Variants in GRIN2B observed in about 807,000 individuals in gnomAD.
GRIN2B encodes glutamate ionotropic receptor NMDA type subunit 2B.
Under a neutral mutation model 114.5 loss-of-function variants are expected in GRIN2B, and 5 were observed. The observed-to-expected ratio is 0.04, with a 90% confidence interval of 0.02 to 0.09. GRIN2B has a LOEUF of 0.09. Ranked by LOEUF, GRIN2B falls within the 10% of genes least tolerant of loss-of-function variation. The probability of loss-of-function intolerance (pLI) is 1.00; values close to 1 mark genes in which losing one functional copy is unlikely to be tolerated. For synonymous variants in GRIN2B, 787 were observed against 745.1 expected (o/e 1.06, Z -0.92); for missense variants, 1,108 against 1,943.5 (o/e 0.57, Z 8.08).
chr12:13,799,626 A>C (rs940022729), intron 3 of GRIN2B, among the ~76,000 whole-genome samples: 2 of 152,136 alleles, frequency 1.3e-5, no homozygotes, highest in Non-Finnish European at 2.9e-5. Context: ...TCCAAGAGGC[A>C]CTGCTGTGCC....
intron 2 of GRIN2B, among the ~76,000 whole-genome samples, chr12:13,931,727 G>A (rs1467253881): frequency 1.3e-5 from 2 of 152,142 alleles, no homozygotes; most frequent in Non-Finnish European, 2.9e-5. Flanking sequence ...TAAGTCTTCC[G>A]TATCTCAGTT....
chr12:13,696,481 G>A (rs1212391334), intron 4 of GRIN2B, among the ~76,000 whole-genome samples: 1 of 152,114 alleles, frequency 6.6e-6, no homozygotes, highest in Non-Finnish European at 1.5e-5. Context: ...TCAAATCTCA[G>A]AGATGTCAGT....
chr12:13,802,217 A>C (rs924769146), intron 3 of GRIN2B, among the ~76,000 whole-genome samples: 5 of 152,176 alleles, frequency 3.3e-5, no homozygotes, highest in Admixed American at 2.0e-4. Flanking sequence ...TACTATTCAC[A>C]AAGGCAAAAT....
chr12:13,788,937 G>A (rs1464121493), intron 3 of GRIN2B, among the ~76,000 whole-genome samples: 1 of 152,120 alleles, frequency 6.6e-6, no homozygotes, highest in African/African-American at 2.4e-5. Flanking sequence ...TGGCAATGGA[G>A]ATACAAAGCT....
intron 3 of GRIN2B, among the ~76,000 whole-genome samples, chr12:13,816,093 A>G (rs1169278065): frequency 2.0e-5 from 3 of 152,188 alleles, no homozygotes; most frequent in Non-Finnish European, 4.4e-5. Flanking sequence ...GTGACCTTTC[A>G]TCTGGTCCAC....
chr12:13,767,635 CT>C (rs549975312), intron 3 of GRIN2B, among the ~76,000 whole-genome samples: 92 of 152,216 alleles, frequency 6.0e-4, no homozygotes, highest in Admixed American at 1.4e-3. Context: ...ATGTTTTTGT[CT>C]GTATGTTGAT....
At chr12:13,752,971 T>A (rs1863509417) in intron 4 of GRIN2B, among the ~76,000 whole-genome samples, 1 of 152,210 alleles carries the variant, frequency 6.6e-6, no homozygotes, top group Admixed American at 6.5e-5. Flanking sequence ...ACTTGCAACA[T>A]GACATTGTAT....
rs139395602 is a variant in GRIN2B at position 13,641,072 on chromosome 12, CTTATTA to C, written c.1126-24421_1126-24416del. 2.8e-3 allele frequency among the ~76,000 whole-genome samples: 411 copies of C among 149,452 alleles called. 1 individual carries two copies. The highest frequency in any genetic ancestry group is 5.4e-3 in the Non-Finnish European group (365 of 67,464). On this transcript the variant is annotated intron_variant, in intron 5 of 13. Transcript: ENST00000609686. Reference sequence around the variant, plus strand: ...AACCCTGCTACTTAATTGTATCATGCTTATTATTATTATTATTATTATTATTAGATG... The same window carrying C: ...AACCCTGCTACTTAATTGTATCATGCTTATTATTATTATTATTATTAGATG...
At chr12:13,728,090 T>C (rs1863023019) in intron 4 of GRIN2B, among the ~76,000 whole-genome samples, 2 of 152,196 alleles carry the variant, frequency 1.3e-5, no homozygotes, top group Non-Finnish European at 2.9e-5. Context: ...GAAACCCTGG[T>C]CTTTTATTTC....
chr12:13,872,881 C>A (rs576894289), intron 2 of GRIN2B, among the ~76,000 whole-genome samples: 10 of 152,152 alleles, frequency 6.6e-5, no homozygotes, highest in African/African-American at 2.4e-4. Context: ...ACAATGTAAC[C>A]ATATACCACA....
At chr12:13,725,015 G>A (rs1283216269) in intron 4 of GRIN2B, among the ~76,000 whole-genome samples, 1 of 152,146 alleles carries the variant, frequency 6.6e-6, no homozygotes, top group Non-Finnish European at 1.5e-5. Flanking sequence ...TCAGATGTCA[G>A]TGAAAGGCAA....
At chr12:13,725,316 G>A (rs1012500856) in intron 4 of GRIN2B, among the ~76,000 whole-genome samples, 7 of 152,124 alleles carry the variant, frequency 4.6e-5, no homozygotes, top group Non-Finnish European at 1.0e-4. Context: ...AAGAGGAGGG[G>A]TGGAGGAGGA....
intron 5 of GRIN2B, among the ~76,000 whole-genome samples, chr12:13,666,628 G>A (rs1565493672): frequency 6.6e-6 from 1 of 151,998 alleles, no homozygotes; most frequent in African/African-American, 2.4e-5. Flanking sequence ...TGTACCACAG[G>A]CTGCTTGGCA....
chr12:13,730,804 G>C (rs1202954719), intron 4 of GRIN2B, among the ~76,000 whole-genome samples: 1 of 152,126 alleles, frequency 6.6e-6, no homozygotes, highest in East Asian at 1.9e-4. Flanking sequence ...CTGATTAATG[G>C]TAGTTAAGTG....
rs1227167472 is a variant in GRIN2B, at chr12:13,981,440, GTCTCGGGGGTTTTGAAGTTCATGACTCT to G, written c.-574_-547del. The G allele has an allele frequency of 2.0e-5, 3 of 152,266 alleles. No individual in the cohort carries two copies. In the East Asian group the frequency reaches 5.8e-4, roughly 30 times the overall value. The allele number at this position is 152,266 out of a possible 1,614,324, so 9.4% of individuals were successfully genotyped here. A position where few individuals can be genotyped will look rare whatever the true frequency, so the allele number is the denominator to read the frequency against. On this transcript the variant is annotated 5_prime_UTR_variant, in exon 1 of 14. The change abolishes an upstream ATG in the 5' untranslated region. Coordinates refer to ENST00000609686, the MANE Select transcript of GRIN2B (RefSeq NM_000834.5). ...TCCTGCAAAGCAGGATTAATGATCC[GTCTCGGGGGTTTTGAAGTTCATGACTCT>G]TCTTTGCAAGGCAAAAGGATATGCA... is the stretch of plus-strand genomic sequence containing the variant.
At chr12:13,745,454 G>T (rs1349268989) in intron 4 of GRIN2B, among the ~76,000 whole-genome samples, 9 of 152,194 alleles carry the variant, frequency 5.9e-5, no homozygotes, top group Non-Finnish European at 1.3e-4. Context: ...AAGGTTAACA[G>T]CAAAGCCCTG....
At chr12:13,794,069 A>G (rs1427250461) in intron 3 of GRIN2B, among the ~76,000 whole-genome samples, 4 of 148,590 alleles carry the variant, frequency 2.7e-5, no homozygotes. Flanking sequence ...AAATACAAAA[A>G]TTATCCAGGT....
At chr12:13,922,125 T>C (rs1429703760) in intron 2 of GRIN2B, among the ~76,000 whole-genome samples, 2 of 152,178 alleles carry the variant, frequency 1.3e-5, no homozygotes, top group Non-Finnish European at 2.9e-5. Context: ...CTATATAATA[T>C]TTATCATTAT....
intron 3 of GRIN2B, among the ~76,000 whole-genome samples, chr12:13,759,986 G>C (rs1301186476): frequency 6.6e-6 from 1 of 152,116 alleles, no homozygotes; most frequent in Non-Finnish European, 1.5e-5. Context: ...AGCTACCCAG[G>C]TATCACACAT....
Sources: allele counts gnomAD v4.1 joint callset (sites outside exome capture counted in the v4.1 genomes callset), GRCh38; gene constraint gnomAD v4.1.1; transcripts MANE v1.5; gene names NCBI Gene and HGNC (gene_info 2026-07-23, HGNC 2026-07-21).